The following CELF4 variants were observed in gnomAD, a reference collection of about 807,000 sequenced individuals.
CELF4 encodes the protein CUGBP Elav-like family member 4.
In CELF4, 18 loss-of-function variants were observed where a neutral mutation model predicts 59.9. The observed-to-expected ratio is 0.30, with a 90% confidence interval of 0.21 to 0.45. The LOEUF (loss-of-function observed/expected upper bound fraction) is 0.45, where lower values mean the gene tolerates loss of function less well. Ranked by LOEUF, CELF4 falls within the 20% of genes least tolerant of loss-of-function variation. The pLI is 1.00. For synonymous variants in CELF4, 261 were observed against 267.1 expected, an observed-to-expected ratio of 0.98 and a Z score of 0.22; for missense variants, 456 against 689.0, an observed-to-expected ratio of 0.66 and a Z score of 3.79.
chr18:37,531,428 G>A (rs941786194), intron 1 of CELF4, among the ~76,000 whole-genome samples: 6 of 152,262 alleles, frequency 3.9e-5, no homozygotes, highest in African/African-American at 1.4e-4. Flanking sequence ...CCCTTGATGA[G>A]GCTGCACGGG....
rs1603618608 is a variant in CELF4 at position 37,339,904 on chromosome 18, G to T, written c.370-18023C>A. ...GGGTAGGCGCTGAACTTCCCAAGGT[G>T]CAGCCACTCCCAGCCTTGGGATTGC... is the stretch of plus-strand genomic sequence containing the variant. On this transcript the variant is annotated intron_variant, in intron 2 of 12. Coordinates refer to ENST00000420428, the MANE Select transcript of CELF4 (RefSeq NM_020180.4). Among the ~76,000 whole-genome samples, 4 of 152,294 alleles carry T rather than the reference G, an allele frequency of 2.6e-5. No individual in the cohort carries two copies. In the South Asian group the frequency reaches 8.3e-4, roughly 32 times the overall value.
chr18:37,342,135 T>C (rs1285179490), intron 2 of CELF4, among the ~76,000 whole-genome samples: 1 of 151,916 alleles, frequency 6.6e-6, no homozygotes, highest in African/African-American at 2.4e-5. Context: ...CCCCTTAACT[T>C]GGTCTCTTAG....
At chr18:37,432,807 A>G (rs931718939) in intron 2 of CELF4, among the ~76,000 whole-genome samples, 1 of 152,026 alleles carries the variant, frequency 6.6e-6, no homozygotes, top group Non-Finnish European at 1.5e-5. Flanking sequence ...CCTCCTCAAC[A>G]TTCTCCTCTT....
chr18:37,501,151 G>A (rs1277343589), intron 1 of CELF4, among the ~76,000 whole-genome samples: 2 of 152,212 alleles, frequency 1.3e-5, no homozygotes, highest in Admixed American at 1.3e-4. Context: ...GGGCACAAAG[G>A]CCCCCACAGC....
rs547478443 is a variant in CELF4 at position 37,292,237 on chromosome 18, G to A, written c.449-16994C>T. ...TGTTATAGCAGCCCAAATGGACTAC[G>A]ACACTCCCACTGAACACCTTGTCAG... On this transcript the variant is annotated intron_variant, in intron 3 of 12. Coordinates refer to ENST00000420428, the MANE Select transcript of CELF4 (RefSeq NM_020180.4). Among the ~76,000 whole-genome samples the A allele has an allele frequency of 3.9e-5, 6 of 152,262 alleles. No homozygotes were observed. The South Asian group carries it at 1.0e-3, about 26-fold the overall frequency.
intron 1 of CELF4, among the ~76,000 whole-genome samples, chr18:37,495,634 C>T (rs1257127327): frequency 1.3e-5 from 2 of 152,080 alleles, no homozygotes; most frequent in South Asian, 4.2e-4. Context: ...GCAGAGAATT[C>T]CCCTTGCTGG....
At chr18:37,530,120 C>A (rs919057803) in intron 1 of CELF4, among the ~76,000 whole-genome samples, 2 of 152,196 alleles carry the variant, frequency 1.3e-5, no homozygotes, top group African/African-American at 2.4e-5. Context: ...TCTCTTCCGG[C>A]CACAGTCCAG....
At chr18:37,533,823 T>C (rs894258558) in intron 1 of CELF4, among the ~76,000 whole-genome samples, 1 of 152,176 alleles carries the variant, frequency 6.6e-6, no homozygotes, top group African/African-American at 2.4e-5. Flanking sequence ...GAGAAAGGCA[T>C]TGCCGTGACC....
chr18:37,431,829 G>A (rs541318136), intron 2 of CELF4, among the ~76,000 whole-genome samples: 64 of 152,288 alleles, frequency 4.2e-4, no homozygotes, highest in Non-Finnish European at 6.6e-4. Flanking sequence ...CTGCAAGGCC[G>A]TCTGGGCAGG....
chr18:37,508,388 T>C (rs1311512695), intron 1 of CELF4, among the ~76,000 whole-genome samples: 1 of 152,166 alleles, frequency 6.6e-6, no homozygotes, highest in African/African-American at 2.4e-5. Flanking sequence ...CTGGGCCCAT[T>C]TGCTGTGCTA....
chr18:37,451,561 G>A (rs916611245), intron 2 of CELF4, among the ~76,000 whole-genome samples: 1 of 152,156 alleles, frequency 6.6e-6, no homozygotes, highest in East Asian at 1.9e-4. Context: ...GTGTGTCTGT[G>A]GTTTGGTCCA....
At chr18:37,265,910 G>A (rs1327720595) in intron 9 of CELF4, among the ~76,000 whole-genome samples, 2 of 152,170 alleles carry the variant, frequency 1.3e-5, no homozygotes, top group African/African-American at 4.8e-5. Context: ...GTGCTGTGTA[G>A]TCCAGGGGTG....
At chr18:37,439,318 C>T (rs942540856) in intron 2 of CELF4, among the ~76,000 whole-genome samples, 1 of 152,076 alleles carries the variant, frequency 6.6e-6, no homozygotes, top group South Asian at 2.1e-4. Flanking sequence ...CCTCAGTGTC[C>T]ATGAAAGTGG....
At chr18:37,452,133 T>A (rs150433821) in intron 2 of CELF4, among the ~76,000 whole-genome samples, 1 of 152,340 alleles carries the variant, frequency 6.6e-6, no homozygotes, top group African/African-American at 2.4e-5. Context: ...GGTACTCATC[T>A]CTGCCAGCAA....
chr18:37,527,360 G>A (rs2099965072), intron 1 of CELF4, among the ~76,000 whole-genome samples: 1 of 151,816 alleles, frequency 6.6e-6, no homozygotes, highest in Admixed American at 6.6e-5. Flanking sequence ...AGTTATTCTT[G>A]GAATAAACTG....
At chr18:37,389,500 G>A (rs2099134637) in intron 2 of CELF4, among the ~76,000 whole-genome samples, 1 of 152,200 alleles carries the variant, frequency 6.6e-6, no homozygotes. Context: ...GAAGCAAATA[G>A]CTTGTCTTCT....
At chr18:37,495,062 G>A (rs937142641) in intron 1 of CELF4, among the ~76,000 whole-genome samples, 4 of 152,172 alleles carry the variant, frequency 2.6e-5, no homozygotes, top group Non-Finnish European at 4.4e-5. Flanking sequence ...ATGCATTTGG[G>A]GCATTTGCTA....
At chr18:37,522,141 C>T (rs2099958182) in intron 1 of CELF4, among the ~76,000 whole-genome samples, 1 of 149,230 alleles carries the variant, frequency 6.7e-6, no homozygotes, top group Admixed American at 6.6e-5. Context: ...AAGCCAGATG[C>T]CCAGCACACA....
intron 2 of CELF4, among the ~76,000 whole-genome samples, chr18:37,457,564 G>T (rs1389165375): frequency 1.3e-5 from 2 of 152,102 alleles, no homozygotes; most frequent in East Asian, 3.9e-4. Flanking sequence ...AGAGATCAAG[G>T]GTCAGCCTGA....
Sources: allele counts gnomAD v4.1 joint callset (sites outside exome capture counted in the v4.1 genomes callset), GRCh38; gene constraint gnomAD v4.1.1; transcripts MANE v1.5; gene names NCBI Gene and HGNC (gene_info 2026-07-23, HGNC 2026-07-21).